The following SEC61A1 variants were observed in gnomAD, a reference collection of about 807,000 sequenced individuals.
SEC61A1 encodes the protein SEC61 translocon subunit alpha 1, also known as protein transport protein Sec61 subunit alpha isoform 1.
A neutral mutation model predicts 55.2 loss-of-function variants in SEC61A1; 15 were observed. The observed-to-expected ratio is 0.27, with a 90% CI of 0.18 to 0.42. SEC61A1 has a LOEUF of 0.42. Among genes scored for constraint, SEC61A1 ranks in the 10% least tolerant of loss-of-function variants. The pLI is 1.00. For synonymous variants in SEC61A1, 247 were observed against 234.0 expected, an observed-to-expected ratio of 1.06 and a Z score of -0.51; for missense variants, 284 against 602.6, an observed-to-expected ratio of 0.47 and a Z score of 5.53.
At chr3:128,051,861 C>T, upstream of SEC61A1, 2 of 1,536,030 alleles carry the variant, frequency 1.3e-6, no homozygotes, top group South Asian at 2.4e-5. Flanking sequence ...GACCCACACC[C>T]ACGACAAGCC....
At chr3:128,052,223 A>C, upstream of SEC61A1, 4 of 382,508 alleles carry the variant, frequency 1.0e-5, no homozygotes, top group Non-Finnish European at 1.9e-5. Context: ...GCAGCCGCAC[A>C]CCCCCAGTCC....
At position 128,052,817 on chromosome 3, in the gene SEC61A1, T is replaced by C; in HGVS notation, c.8-18T>C. The stretch of plus-strand genomic sequence containing the variant: ...TCTCTGTGTCCCAACTCTTCCTGTT[T>C]TGTTTCTCCCATCAAAGTCAAATTT... On this transcript the variant is annotated intron_variant, in intron 1 of 11. Transcript: ENST00000243253. 6.2e-7 allele frequency: 1 copy of C among 1,610,580 alleles called. No homozygotes were observed. The highest frequency in any genetic ancestry group is 1.1e-5 in the South Asian group (1 of 90,932).
At chr3:128,068,853 C>G (rs960592145) in intron 11 of SEC61A1, 1 of 152,440 alleles carries the variant, frequency 6.6e-6, no homozygotes, top group African/African-American at 2.4e-5. Context: ...TGAGCATGGC[C>G]GTGTTCCTAC....
In SEC61A1 at chr3:128,056,830, A is replaced by C; in HGVS notation, c.342A>C (p.Gly114=). The change falls in exon 5 of 12, where the codon GGA becomes GGC. Residue 114 remains glycine, a synonymous_variant. Transcript: ENST00000243253. ...DTPKDRALFN[G]AQKLFGMIIT... ...CAAAAGACCGAGCTCTCTTCAACGG[A>C]GCCCAAAAGTGTAAGAAAGATTGTG... The C allele has an allele frequency of 1.9e-6, 3 of 1,588,250 alleles. No homozygotes were observed. The highest frequency in any genetic ancestry group is 2.6e-6 in the Non-Finnish European group (3 of 1,167,782).
intron 5 of SEC61A1, 100 bp downstream of exon 5, chr3:128,056,940 T>A (rs1333217547): frequency 1.2e-5 from 11 of 947,692 alleles, no homozygotes; most frequent in Admixed American, 8.2e-5. Flanking sequence ...ATTTTTTATT[T>A]TTTTTTTTTT....
At chr3:128,065,330 G>A (rs1010526645) in intron 8 of SEC61A1, 5 of 587,700 alleles carry the variant, frequency 8.5e-6, no homozygotes, top group Middle Eastern at 3.0e-4. Context: ...TAGTTCAAGA[G>A]AAGCAAAAAG....
At chr3:128,062,697 A>G (rs901876443) in intron 7 of SEC61A1, among the ~76,000 whole-genome samples, 6 of 152,350 alleles carry the variant, frequency 3.9e-5, no homozygotes, top group Middle Eastern at 3.4e-3. Context: ...GGTCCTAGCT[A>G]TCACGTGTTA....
At position 128,052,913 on chromosome 3, in the gene SEC61A1, CAA is replaced by C; in HGVS notation, c.75+13_75+14del. 1 of 1,605,004 alleles carries C rather than the reference CAA, an allele frequency of 6.2e-7. No homozygotes were observed. Among genetic ancestry groups the C allele is most frequent in the African/African-American group, 1.3e-5 (1 of 74,480 alleles). On this transcript the variant is annotated intron_variant, in intron 2 of 11. Transcript: ENST00000243253. ...AAGCCAGAGAGGAAGGTAAGTACCC[CAA>C]ATCGCCAACAAAGAAGGTTTCAGGA...
intron 11 of SEC61A1, 51 bp from the exon 12 acceptor site, chr3:128,069,425 T>TGTC: frequency 1.3e-6 from 2 of 1,566,682 alleles, no homozygotes; most frequent in South Asian, 2.3e-5. Flanking sequence ...GCCGCCTGGC[T>TGTC]CACGGGGAGC....
At chr3:128,052,756 G>A in intron 1 of SEC61A1, 79 bp from the exon 2 acceptor site, 1 of 1,511,898 alleles carries the variant, frequency 6.6e-7, no homozygotes, top group Non-Finnish European at 9.2e-7. Flanking sequence ...ACTCGTCGTG[G>A]GCAGAAGGCG....
At chr3:128,056,997 C>T (rs547633539) in intron 5 of SEC61A1, among the ~76,000 whole-genome samples, 157 bp downstream of exon 5, 3 of 151,262 alleles carry the variant, frequency 2.0e-5, no homozygotes, top group African/African-American at 4.8e-5. Context: ...AGTGCAGTGA[C>T]GCAGTCTTGG....
At chr3:128,054,058 T>C (rs1277774828) in intron 2 of SEC61A1, among the ~76,000 whole-genome samples, 3 of 152,118 alleles carry the variant, frequency 2.0e-5, no homozygotes, top group Non-Finnish European at 4.4e-5. Flanking sequence ...AGAACATAAT[T>C]GTAGGTGGGG....
chr3:128,053,274 TC>T (rs1403840898), intron 2 of SEC61A1, among the ~76,000 whole-genome samples: 1 of 152,162 alleles, frequency 6.6e-6, no homozygotes, highest in South Asian at 2.1e-4. Context: ...TGGTTTTTTT[TC>T]CCAGGAGATG....
At chr3:128,066,413 G>A (rs765881373) in intron 8 of SEC61A1, among the ~76,000 whole-genome samples, 9 of 151,410 alleles carry the variant, frequency 5.9e-5, no homozygotes, top group Non-Finnish European at 1.0e-4. Flanking sequence ...TCATTCCACC[G>A]TGCTTGCTTC....
At position 128,052,444 on chromosome 3, in the gene SEC61A1, C is replaced by G; in HGVS notation, c.-109C>G. 6 of 1,430,728 alleles carry G rather than the reference C, an allele frequency of 4.2e-6. No homozygotes were observed. Among genetic ancestry groups the G allele is most frequent in the Non-Finnish European group, 3.7e-6 (4 of 1,089,668 alleles). The allele number at this position is 1,430,728 out of a possible 1,614,324, so 88.6% of individuals were successfully genotyped here. A position where few individuals can be genotyped will look rare whatever the true frequency, so the allele number is the denominator to read the frequency against. On this transcript the variant is annotated 5_prime_UTR_variant, in exon 1 of 12. Transcript: ENST00000243253. ...TGCCGCCGGGCTAGCACTGACGTGTCTCTCGGCGGAGCTGCTGTGCAGTGG... is the reference window on the plus strand; with the variant it reads ...TGCCGCCGGGCTAGCACTGACGTGTGTCTCGGCGGAGCTGCTGTGCAGTGG...
At chr3:128,053,859 G>A (rs1382043625) in intron 2 of SEC61A1, among the ~76,000 whole-genome samples, 1 of 152,200 alleles carries the variant, frequency 6.6e-6, no homozygotes, top group East Asian at 1.9e-4. Flanking sequence ...GCAAGGTATA[G>A]CAGTGGCTCA....
At position 128,060,220 on chromosome 3, in the gene SEC61A1, T is replaced by G. The variant is rs372364791; in HGVS notation, c.462+9T>G. ...TGCTAATCACCATTCAGGTAATTAT[T>G]ATGCTAACATCTCCCTTTGAGTAGC... On this transcript the variant is annotated intron_variant, in intron 6 of 11. Transcript: ENST00000243253. 6.4e-7 allele frequency: 1 copy of G among 1,567,904 alleles called. No homozygotes were observed. Among genetic ancestry groups the G allele is most frequent in the Non-Finnish European group, 8.8e-7 (1 of 1,137,776 alleles).
chr3:128,053,823 T>C (rs1941728427), intron 2 of SEC61A1, among the ~76,000 whole-genome samples: 3 of 152,190 alleles, frequency 2.0e-5, no homozygotes, highest in Admixed American at 2.0e-4. Flanking sequence ...TAACTCAGTG[T>C]GGTAGACGGA....
intron 2 of SEC61A1, 38 bp from the exon 3 acceptor site, chr3:128,055,478 A>G (rs1297611374): frequency 1.3e-6 from 2 of 1,527,786 alleles, no homozygotes; most frequent in Admixed American, 3.3e-5. Flanking sequence ...TGCTTTTCAA[A>G]GTAACTCCCT....
Sources: gnomAD v4.1 joint callset for allele counts (sites outside exome capture counted in the v4.1 genomes callset) on GRCh38, gnomAD v4.1.1 for gene constraint, MANE v1.5 for transcripts, NCBI Gene and HGNC (gene_info 2026-07-23, HGNC 2026-07-21) for gene names.